Variants in CELSR1 observed in about 807,000 individuals in gnomAD.
CELSR1 encodes the protein cadherin EGF LAG seven-pass G-type receptor 1.
CELSR1 carries 110 observed loss-of-function variants against 249.1 expected under a neutral mutation model. That is an observed-to-expected ratio of 0.44 (90% CI 0.38 to 0.52). The LOEUF (loss-of-function observed/expected upper bound fraction) is 0.52. Among genes scored for constraint, CELSR1 ranks in the 20% least tolerant of loss-of-function variants. The pLI is 0.00. For missense variants in CELSR1, 4,109 were observed against 4,296.4 expected, an observed-to-expected ratio of 0.96 and a Z score of 1.22; for synonymous variants, 2,113 against 1,900.0, an observed-to-expected ratio of 1.11 and a Z score of -2.92.
At chr22:46,449,159 G>A (rs1458192496) in intron 2 of CELSR1, among the ~76,000 whole-genome samples, 2 of 141,510 alleles carry the variant, frequency 1.4e-5, no homozygotes, top group Non-Finnish European at 3.0e-5. Context: ...CAGCTTCCAA[G>A]CACTCACCCA....
chr22:46,389,055 G>C (rs1477358388), intron 18 of CELSR1, among the ~76,000 whole-genome samples: 1 of 152,226 alleles, frequency 6.6e-6, no homozygotes, highest in African/African-American at 2.4e-5. Flanking sequence ...GCACTACCAG[G>C]ATCACCAGCA....
At chr22:46,525,687 G>A (rs2080731716) in intron 1 of CELSR1, among the ~76,000 whole-genome samples, 1 of 152,244 alleles carries the variant, frequency 6.6e-6, no homozygotes, top group African/African-American at 2.4e-5. Flanking sequence ...CCAAGTGCTG[G>A]CAGGGATGAG....
intron 24 of CELSR1, among the ~76,000 whole-genome samples, chr22:46,376,803 C>CAA (rs71705266): frequency 0.081 from 9,858 of 122,228 alleles, 377 homozygotes; most frequent in Non-Finnish European, 0.1. Flanking sequence ...GCGAGACTCT[C>CAA]AAAAAAAAAA....
intron 4 of CELSR1, among the ~76,000 whole-genome samples, chr22:46,435,834 G>A (rs2079653024): frequency 6.6e-6 from 1 of 152,128 alleles, no homozygotes; most frequent in African/African-American, 2.4e-5. Flanking sequence ...CTGAGTAGCG[G>A]AGATTACAGG....
rs138992193 is a variant in CELSR1, at chr22:46,430,686, C to T, written c.4611+2707G>A. The stretch of plus-strand genomic sequence containing the variant: ...GGTGACATTGGAGACAAAGTGGAGG[C>T]CCAGAGAGCAGAGGAACCAGCCCCC... On this transcript the variant is annotated intron_variant, in intron 5 of 34. Coordinates refer to ENST00000674500, the MANE Select transcript of CELSR1 (RefSeq NM_001378328.1). The surrounding 1 kb of genome is among the most constrained non-coding windows in gnomAD (Gnocchi z 4.6). Among the ~76,000 whole-genome samples the T allele has an allele frequency of 3.3e-4, 51 of 152,308 alleles. No homozygotes were observed. The South Asian group carries it at 7.5e-3, about 22-fold the overall frequency.
In CELSR1 at chr22:46,363,924, G is replaced by GC. The variant is rs1388376706; in HGVS notation, c.9035+71dup. On this transcript the variant is annotated intron_variant, in intron 34 of 34. Coordinates refer to ENST00000674500, the MANE Select transcript of CELSR1 (RefSeq NM_001378328.1). This position sits in a 1 kb window ranked among gnomAD's most constrained non-coding sequence, Gnocchi z 4.3. ...GGTGGGTGTCAGGTCCCTGACCACT[G>GC]CCCCCTCTCTCTCCTGACTCAGGAC... is the stretch of plus-strand genomic sequence containing the variant. 9.0e-6 allele frequency: 13 copies of GC among 1,452,338 alleles called. No individual in the cohort carries two copies. Among genetic ancestry groups the GC allele is most frequent in the Non-Finnish European group, 1.2e-5 (13 of 1,096,672 alleles). 90.0% of individuals were successfully genotyped at this position (1,452,338 alleles called of 1,614,324 possible).
rs765712500 is a variant in CELSR1, at chr22:46,471,782, C to G, written c.3545-7437G>C. ...TCTGCAGATTTCCCTCATTTCCACC[C>G]ACTGTCCTCTCCTGTCCCAGGACCC... is the stretch of plus-strand genomic sequence containing the variant. On this transcript the variant is annotated intron_variant, in intron 1 of 34. Transcript: ENST00000674500. This position sits in a 1 kb window ranked among gnomAD's most constrained non-coding sequence, Gnocchi z 4.9. Among the ~76,000 whole-genome samples, 1 of 152,142 alleles carries G rather than the reference C, an allele frequency of 6.6e-6. No individual in the cohort carries two copies. The highest frequency in any genetic ancestry group is 1.5e-5 in the Non-Finnish European group (1 of 68,024).
Position 46,413,111 on chromosome 22 carries a change from G to A in CELSR1, c.4612-1352C>T, listed in dbSNP as rs1490459953. On this transcript the variant is annotated intron_variant, in intron 5 of 34. Transcript: ENST00000674500. This position sits in a 1 kb window ranked among gnomAD's most constrained non-coding sequence, Gnocchi z 4.7. ...ACAATCTCATGCTTCTTTATAAAAC[G>A]TGGAAATAGATCGTTGTAAAAACGT... 3.3e-5 allele frequency among the ~76,000 whole-genome samples: 5 copies of A among 152,176 alleles called. No homozygotes were observed. Among genetic ancestry groups the A allele is most frequent in the Non-Finnish European group, 7.3e-5 (5 of 68,034 alleles).
chr22:46,394,090 G>A (rs1027886723), intron 14 of CELSR1, 52 bp downstream of exon 14: 8 of 1,591,450 alleles, frequency 5.0e-6, no homozygotes, highest in African/African-American at 1.3e-5. Context: ...GGGCAGCTGT[G>A]CATGTGTGTG....
intron 1 of CELSR1, among the ~76,000 whole-genome samples, chr22:46,493,747 T>C (rs2042650700): frequency 6.6e-6 from 1 of 152,086 alleles, no homozygotes; most frequent in African/African-American, 2.4e-5. Context: ...TCTGACGTTT[T>C]TATAGAGGAG....
At chr22:46,531,214 T>C (rs1274350255) in intron 1 of CELSR1, among the ~76,000 whole-genome samples, 2 of 120,986 alleles carry the variant, frequency 1.7e-5, no homozygotes, top group East Asian at 4.7e-4. Flanking sequence ...TATTTATTTA[T>C]TTATTTATTT....
intron 1 of CELSR1, among the ~76,000 whole-genome samples, chr22:46,514,410 C>T (rs1442431273): frequency 6.6e-6 from 1 of 152,182 alleles, no homozygotes; most frequent in Non-Finnish European, 1.5e-5. Flanking sequence ...ACGGTCCATC[C>T]AGGTGAGGGC....
In CELSR1 at chr22:46,367,745, A is replaced by G; in HGVS notation, c.8063T>C (p.Ile2688Thr). ...DALSFHYLFAIFSGLQGPFVL... is the reference protein window; with the variant it reads ...DALSFHYLFATFSGLQGPFVL... ...GTCACCTACCTGTAAGCCGCTGAAG[A>G]TGGCGAAGAGGTAGTGAAAGCTCAG... Residue 2688 changes from isoleucine to threonine, a missense_variant, in exon 28 of 35, where the codon ATC (isoleucine) becomes ACC (threonine). By Grantham distance (89) the Ile-to-Thr change is moderately conservative (BLOSUM62 -1). Transcript: ENST00000674500. 1 of 1,603,608 alleles carries G rather than the reference A, an allele frequency of 6.2e-7. No homozygotes were observed. Among genetic ancestry groups the G allele is most frequent in the Non-Finnish European group, 8.5e-7 (1 of 1,176,312 alleles).
chr22:46,374,837 C>G lies in CELSR1; in HGVS notation c.7585-1780G>C, dbSNP rs183813311. ...CCCGGCTGCGGATGTGAAGAAACCC[C>G]TCCGCAGGAGCAGCGACCCTGCCAT... On this transcript the variant is annotated intron_variant, in intron 24 of 34. Transcript: ENST00000674500. The surrounding 1 kb of genome is among the most constrained non-coding windows in gnomAD (Gnocchi z 4.3). Among the ~76,000 whole-genome samples, 2 of 152,356 alleles carry G rather than the reference C, an allele frequency of 1.3e-5. No homozygotes were observed. The highest frequency in any genetic ancestry group is 1.9e-4 in the East Asian group (1 of 5,178).
chr22:46,389,332 C>G lies in CELSR1; in HGVS notation c.6513G>C (p.Gln2171His), dbSNP rs953784814. 11 of 1,610,218 alleles carry G rather than the reference C, an allele frequency of 6.8e-6. No individual in the cohort carries two copies. Among genetic ancestry groups the G allele is most frequent in the Non-Finnish European group, 9.3e-6 (11 of 1,179,860 alleles). The stretch of plus-strand genomic sequence containing the variant: ...CCTGCGTGGCTGCCAGGTCGAAGCC[C>G]TGCTGCCAGCTCTCGTGCTGAAGGA... ...GHVLQHESWQ[Q>H]GFDLAATQDA... is the part of the protein sequence containing the mutation. Residue 2171 changes from glutamine (Q) to histidine (H), a missense_variant, in exon 18 of 35, where the codon CAG becomes CAC. Coordinates refer to ENST00000674500, the MANE Select transcript of CELSR1 (RefSeq NM_001378328.1).
At chr22:46,477,330 G>A (rs2080219133) in intron 1 of CELSR1, among the ~76,000 whole-genome samples, 1 of 152,116 alleles carries the variant, frequency 6.6e-6, no homozygotes, top group South Asian at 2.1e-4. Flanking sequence ...AGTTTATCAG[G>A]AACCTTCTGT....
Position 46,386,462 on chromosome 22 carries a change from C to T in CELSR1, c.6679G>A (p.Val2227Met), listed in dbSNP as rs763635138. 3.3e-5 allele frequency: 53 copies of T among 1,604,068 alleles called. No homozygotes were observed. The highest frequency in any genetic ancestry group is 4.1e-5 in the Non-Finnish European group (48 of 1,176,028). The part of the protein sequence containing the change: ...LRRLEGYFSN[V>M]ARNVRRTYLR... ...TACGTCCGCCGCACGTTGCGTGCCACGTTGCTGAAGTAGCCCTCGAGGCGC... is the reference window on the plus strand; with the variant it reads ...TACGTCCGCCGCACGTTGCGTGCCATGTTGCTGAAGTAGCCCTCGAGGCGC... Residue 2227 changes from valine (V) to methionine (M), a missense_variant, in exon 19 of 35, where the codon GTG becomes ATG. Coordinates refer to ENST00000674500, the MANE Select transcript of CELSR1 (RefSeq NM_001378328.1).
In CELSR1 at chr22:46,461,732, G is replaced by A. The variant is rs12159598; in HGVS notation, c.4183+1975C>T. 6.2e-3 allele frequency among the ~76,000 whole-genome samples: 945 copies of A among 152,358 alleles called. 8 individuals carry two copies. Among genetic ancestry groups the A allele is most frequent in the African/African-American group, 0.021 (887 of 41,580 alleles). On this transcript the variant is annotated intron_variant, in intron 2 of 34. Transcript: ENST00000674500. ...GTACTATCTGCGGAGTAAAGATGGC[G>A]TCCTTGCCAACTCTTGGGAGCGTAA...
At chr22:46,449,369 C>CCATCCATCCATCCAACCACCCATCACA (rs1406421865) in intron 2 of CELSR1, among the ~76,000 whole-genome samples, 1,979 of 125,756 alleles carry the variant, frequency 0.016, 50 homozygotes, top group African/African-American at 0.049. Context: ...CATCACACAT[C>CCATCCATCCATCCAACCACCCATCACA]CATCCATCCA....
Sources: gnomAD v4.1 joint callset for allele counts (sites outside exome capture counted in the v4.1 genomes callset) on GRCh38, gnomAD v4.1.1 for gene constraint, Gnocchi (gnomAD v3.1) non-coding constraint, MANE v1.5 for transcripts, NCBI Gene and HGNC (gene_info 2026-07-23, HGNC 2026-07-21) for gene names.